The following TBC1D12 variants were observed in gnomAD, a reference collection of about 807,000 sequenced individuals.
The protein encoded by TBC1D12 is TBC1 domain family, member 12.
In TBC1D12, 56 loss-of-function variants were observed where a neutral mutation model predicts 86.7. The ratio of observed to expected loss-of-function variants is 0.65; its 90% CI spans 0.52 to 0.81. The LOEUF (loss-of-function observed/expected upper bound fraction) is 0.81. Ranked by LOEUF, TBC1D12 falls within the 30% of genes least tolerant of loss-of-function variation. The pLI is 0.00. For synonymous variants in TBC1D12, 421 were observed against 411.7 expected (o/e 1.02, Z -0.27); for missense variants, 1,023 against 1,038.8 (o/e 0.98, Z 0.21).
chr10:94,402,645 C>G lies in TBC1D12; in HGVS notation c.32C>G (p.Ser11Trp), dbSNP rs201614754. 4.4e-5 allele frequency: 71 copies of G among 1,611,682 alleles called. No homozygotes were observed. In the East Asian group the frequency reaches 1.4e-3, roughly 33 times the overall value. Reference sequence around the variant, plus strand: ...GGTCCGGAGGATGCCGGAGCCTGCTCGGGAAGAAACCCCAAGTTGCTCCCG... The same window carrying G: ...GGTCCGGAGGATGCCGGAGCCTGCTGGGGAAGAAACCCCAAGTTGCTCCCG... MVGPEDAGAC[S>W]GRNPKLLPVP... Residue 11 changes from serine to tryptophan, a missense_variant, in exon 1 of 13, where the codon TCG becomes TGG. This residue lies in a region of TBC1D12 where 628 missense variants were observed against 531.1 expected (regional missense o/e 1.18). Transcript: ENST00000225235.
chr10:94,423,171 C>T (rs1426624947), intron 1 of TBC1D12, among the ~76,000 whole-genome samples: 1 of 151,970 alleles, frequency 6.6e-6, no homozygotes, highest in Non-Finnish European at 1.5e-5. Context: ...AGAAAATAAA[C>T]TATACCTGGA....
intron 2 of TBC1D12, among the ~76,000 whole-genome samples, chr10:94,446,987 C>T (rs1007819589): frequency 3.4e-5 from 5 of 147,956 alleles, no homozygotes; most frequent in African/African-American, 1.0e-4. Context: ...GCAGAAGAAT[C>T]ACTTGAACCT....
At chr10:94,423,342 CTTTTTTTTTT>C (rs71486719) in intron 1 of TBC1D12, among the ~76,000 whole-genome samples, 3 of 94,250 alleles carry the variant, frequency 3.2e-5, no homozygotes, top group East Asian at 7.6e-4. Context: ...CATTCACCAT[CTTTTTTTTTT>C]TTTTTTTTTT....
At position 94,531,313 on chromosome 10, in the gene TBC1D12, C is replaced by G. The variant is rs370441291; in HGVS notation, c.2112C>G (p.Leu704=). Residue 704 remains leucine (L), a synonymous_variant, in exon 12 of 13, where the codon CTC becomes CTG. Transcript: ENST00000225235. ...EFLFRTGLGI[L]RLYEDILLQM... is the part of the protein sequence containing the mutation. ...TATTTAGGACTGGATTAGGAATCCT[C>G]CGATTATATGAAGATATTCTCCTGC... 1.5e-5 allele frequency: 24 copies of G among 1,613,926 alleles called. No individual in the cohort carries two copies. In the African/African-American group the frequency reaches 2.9e-4, roughly 20 times the overall value.
chr10:94,493,336 G>T, intron 3 of TBC1D12, 29 bp from the exon 4 acceptor site: 1 of 1,549,362 alleles, frequency 6.5e-7, no homozygotes, highest in East Asian at 2.2e-5. Context: ...TTTAAAAATT[G>T]TCTTGACTTA....
At chr10:94,482,235 C>T (rs559676546) in intron 3 of TBC1D12, among the ~76,000 whole-genome samples, 2 of 152,270 alleles carry the variant, frequency 1.3e-5, no homozygotes, top group Admixed American at 6.5e-5. Context: ...TTAGCTCTCA[C>T]TTGTGAGTGA....
chr10:94,460,678 AG>A (rs1034893659), intron 2 of TBC1D12, among the ~76,000 whole-genome samples: 5 of 151,164 alleles, frequency 3.3e-5, no homozygotes, highest in African/African-American at 1.2e-4. Context: ...ATATTGCTTT[AG>A]ATATTTCTTC....
intron 1 of TBC1D12, among the ~76,000 whole-genome samples, chr10:94,434,739 C>G: frequency 6.6e-6 from 1 of 151,962 alleles, no homozygotes; most frequent in East Asian, 1.9e-4. Flanking sequence ...GACCTCGTCT[C>G]TACAAAACAT....
chr10:94,482,786 C>T (rs944749758), intron 3 of TBC1D12, among the ~76,000 whole-genome samples: 2 of 152,118 alleles, frequency 1.3e-5, no homozygotes, highest in Non-Finnish European at 2.9e-5. Context: ...TAACCATCCC[C>T]ACTTTCTCCC....
chr10:94,482,217 C>T (rs369490473), intron 3 of TBC1D12, among the ~76,000 whole-genome samples: 3 of 152,100 alleles, frequency 2.0e-5, no homozygotes, highest in East Asian at 3.9e-4. Context: ...TTCAGAAGTT[C>T]TCATCATTTA....
At chr10:94,520,726 C>T (rs926319687) in intron 9 of TBC1D12, among the ~76,000 whole-genome samples, 1 of 151,766 alleles carries the variant, frequency 6.6e-6, no homozygotes, top group Non-Finnish European at 1.5e-5. Flanking sequence ...GTGGCGCAAT[C>T]TTGGCTTACT....
intron 2 of TBC1D12, among the ~76,000 whole-genome samples, chr10:94,465,932 A>G (rs894595732): frequency 6.6e-6 from 1 of 151,136 alleles, no homozygotes; most frequent in Admixed American, 6.6e-5. Flanking sequence ...ATATGCGTAT[A>G]TATGTATATA....
chr10:94,528,613 G>C (rs1296008813), intron 11 of TBC1D12, among the ~76,000 whole-genome samples: 1 of 152,060 alleles, frequency 6.6e-6, no homozygotes, highest in Non-Finnish European at 1.5e-5. Flanking sequence ...TCTGAGGTCA[G>C]GAGTTCAAGA....
intron 1 of TBC1D12, among the ~76,000 whole-genome samples, chr10:94,416,316 T>C (rs2054996983): frequency 6.6e-6 from 1 of 152,230 alleles, no homozygotes; most frequent in Non-Finnish European, 1.5e-5. Flanking sequence ...ATAGATGTTA[T>C]TTAGTCTTGC....
intron 2 of TBC1D12, among the ~76,000 whole-genome samples, chr10:94,443,067 T>C (rs538591316): frequency 1.3e-5 from 2 of 152,334 alleles, no homozygotes; most frequent in East Asian, 1.9e-4. Flanking sequence ...TAACCCTTCC[T>C]GGCACAGCTG....
intron 1 of TBC1D12, among the ~76,000 whole-genome samples, chr10:94,425,650 C>G (rs2055136222): frequency 6.6e-6 from 1 of 152,090 alleles, no homozygotes; most frequent in African/African-American, 2.4e-5. Context: ...CAGAAGACAG[C>G]TAATTAAATT....
In TBC1D12 at chr10:94,507,486, C is replaced by T. The variant is rs117835010; in HGVS notation, c.1600+139C>T. The T allele has an allele frequency of 2.1e-3, 1,663 of 789,022 alleles. 6 individuals carry two copies. The highest frequency in any genetic ancestry group is 2.8e-3 in the Non-Finnish European group (1,464 of 517,684). 48.9% of individuals were successfully genotyped at this position (789,022 alleles called of 1,614,324 possible). A position where few individuals can be genotyped will look rare whatever the true frequency, so the allele number is the denominator to read the frequency against. On this transcript the variant is annotated intron_variant, in intron 7 of 12. Transcript: ENST00000225235. ...TCAGTAAACAAGGCTAGAAAAAAGA[C>T]TTGATTTACAGAAAAGTTCATGTAA...
chr10:94,501,466 G>A (rs2056395487), intron 6 of TBC1D12: 1 of 154,138 alleles, frequency 6.5e-6, no homozygotes, highest in Non-Finnish European at 1.5e-5. Flanking sequence ...AAGAACAGAA[G>A]AAGAAATAAG....
chr10:94,422,745 G>GT (rs1005908879), intron 1 of TBC1D12, among the ~76,000 whole-genome samples: 14 of 151,652 alleles, frequency 9.2e-5, no homozygotes, highest in South Asian at 8.4e-4. Context: ...TTTCTTTGCT[G>GT]TTTTTTTTAG....
Sources: allele counts gnomAD v4.1 joint callset (sites outside exome capture counted in the v4.1 genomes callset), GRCh38; gene constraint gnomAD v4.1.1; regional missense constraint gnomAD v4.1.1; transcripts MANE v1.5; gene names NCBI Gene and HGNC (gene_info 2026-07-23, HGNC 2026-07-21).